ADARB2: variants seen among roughly 807,000 people sequenced by gnomAD.
ADARB2 encodes the protein adenosine deaminase RNA specific B2 (inactive), also known as inactive double-stranded RNA-specific editase B2.
In ADARB2, 25 loss-of-function variants were observed where a neutral mutation model predicts 62.2. That is an observed-to-expected ratio of 0.40 (90% CI 0.29 to 0.56). The LOEUF (loss-of-function observed/expected upper bound fraction) is 0.56. Ranked by LOEUF, ADARB2 falls within the 20% of genes least tolerant of loss-of-function variation. The pLI, the probability that ADARB2 is intolerant of heterozygous loss-of-function variation, is 0.43. For synonymous variants in ADARB2, 572 were observed against 500.8 expected, an observed-to-expected ratio of 1.14 and a Z score of -1.90; for missense variants, 1,071 against 1,077.4, an observed-to-expected ratio of 0.99 and a Z score of 0.08.
chr10:1,268,058 C>G (rs1277264209), intron 4 of ADARB2, among the ~76,000 whole-genome samples: 1 of 152,106 alleles, frequency 6.6e-6, no homozygotes, highest in African/African-American at 2.4e-5. Flanking sequence ...TGAAACCACA[C>G]CCAAATTTGA....
intron 3 of ADARB2, among the ~76,000 whole-genome samples, chr10:1,309,834 G>T (rs568126112): frequency 1.3e-5 from 2 of 152,104 alleles, no homozygotes; most frequent in Admixed American, 6.5e-5. Flanking sequence ...CTGCTCTCCC[G>T]GCCCCTATTT....
At chr10:1,699,234 TCGCCAATAC>T (rs1834790218) in intron 1 of ADARB2, among the ~76,000 whole-genome samples, 1 of 141,572 alleles carries the variant, frequency 7.1e-6, no homozygotes, top group African/African-American at 2.6e-5. Flanking sequence ...GACCAGGCGC[TCGCCAATAC>T]ACTCAATCCC....
intron 1 of ADARB2, among the ~76,000 whole-genome samples, chr10:1,469,032 A>G (rs1032815671): frequency 1.3e-5 from 2 of 152,166 alleles, no homozygotes; most frequent in Non-Finnish European, 2.9e-5. Context: ...CAACACAGCA[A>G]CGCTTTCTCG....
At chr10:1,697,910 C>G (rs928672904) in intron 1 of ADARB2, among the ~76,000 whole-genome samples, 1 of 152,210 alleles carries the variant, frequency 6.6e-6, no homozygotes, top group African/African-American at 2.4e-5. Context: ...AGAAGTACAG[C>G]AAGGCAGAAG....
chr10:1,546,335 C>G (rs10794755), intron 1 of ADARB2, among the ~76,000 whole-genome samples: 1 of 152,062 alleles, frequency 6.6e-6, no homozygotes, highest in Non-Finnish European at 1.5e-5. Flanking sequence ...CCTGGTGTTT[C>G]GGCAACAGGT....
chr10:1,289,385 G>T (rs1479965255), intron 3 of ADARB2, among the ~76,000 whole-genome samples: 1 of 152,234 alleles, frequency 6.6e-6, no homozygotes, highest in Non-Finnish European at 1.5e-5. Context: ...TGTCACAGGT[G>T]TGTCCTTAAC....
At chr10:1,303,969 A>G (rs890559662) in intron 3 of ADARB2, among the ~76,000 whole-genome samples, 5 of 152,134 alleles carry the variant, frequency 3.3e-5, no homozygotes, top group African/African-American at 1.2e-4. Flanking sequence ...GCATCAACTA[A>G]TGAGCAAAAT....
At chr10:1,326,884 G>C (rs1310913682) in intron 3 of ADARB2, among the ~76,000 whole-genome samples, 1 of 62,908 alleles carries the variant, frequency 1.6e-5, no homozygotes, top group Non-Finnish European at 3.1e-5. Context: ...ACGGCACAGC[G>C]CCTCCCCACT....
At chr10:1,345,172 C>A (rs774543489) in intron 3 of ADARB2, among the ~76,000 whole-genome samples, 35 of 152,084 alleles carry the variant, frequency 2.3e-4, no homozygotes, top group Non-Finnish European at 4.4e-4. Context: ...ATGCCAGACC[C>A]ACCTGTCACG....
At chr10:1,490,733 G>A (rs114587226) in intron 1 of ADARB2, among the ~76,000 whole-genome samples, 3,197 of 152,276 alleles carry the variant, frequency 0.021, 78 homozygotes, top group South Asian at 0.055. Flanking sequence ...GGAATCACCC[G>A]CCTGAGCCAA....
At chr10:1,193,460 G>A (rs953033345) in intron 8 of ADARB2, among the ~76,000 whole-genome samples, 1 of 152,218 alleles carries the variant, frequency 6.6e-6, no homozygotes, top group African/African-American at 2.4e-5. Context: ...TGGGGGAATG[G>A]GGTCTTTTGC....
At chr10:1,307,089 A>C (rs1208138222) in intron 3 of ADARB2, among the ~76,000 whole-genome samples, 7 of 114,468 alleles carry the variant, frequency 6.1e-5, no homozygotes, top group South Asian at 4.3e-4. Context: ...AATGGGATCT[A>C]ATTAAACTAA....
intron 4 of ADARB2, among the ~76,000 whole-genome samples, chr10:1,265,038 T>C (rs953920048): frequency 1.3e-5 from 2 of 152,320 alleles, no homozygotes; most frequent in East Asian, 3.9e-4. Flanking sequence ...AAAGAGGTAA[T>C]GCATGGTCAC....
At chr10:1,361,722 G>C (rs899451138) in intron 3 of ADARB2, 3 of 152,210 alleles carry the variant, frequency 2.0e-5, no homozygotes, top group Non-Finnish European at 4.4e-5. Context: ...AGTGTCTGAG[G>C]TTCGAGTGGG....
chr10:1,521,793 C>G (rs2131952044), intron 1 of ADARB2, among the ~76,000 whole-genome samples: 1 of 151,514 alleles, frequency 6.6e-6, no homozygotes, highest in East Asian at 1.9e-4. Flanking sequence ...CCCACTACCC[C>G]CAACCCCTTC....
At chr10:1,185,451 A>G (rs1836739203) in intron 8 of ADARB2, among the ~76,000 whole-genome samples, 1 of 152,242 alleles carries the variant, frequency 6.6e-6, no homozygotes. Flanking sequence ...AGTAAGCAAC[A>G]TGCAGCTCCC....
At chr10:1,191,161 G>A (rs565033858) in intron 8 of ADARB2, among the ~76,000 whole-genome samples, 2 of 152,254 alleles carry the variant, frequency 1.3e-5, no homozygotes. Flanking sequence ...GGGGTTTGCA[G>A]GTGGCAGCTC....
intron 1 of ADARB2, among the ~76,000 whole-genome samples, chr10:1,503,269 GT>G (rs546470850): frequency 1.8e-4 from 27 of 151,786 alleles, no homozygotes; most frequent in Non-Finnish European, 3.1e-4. Context: ...TCATTTCAAC[GT>G]CTGCCTCCCA....
chr10:1,281,268 G>A (rs748594914), intron 3 of ADARB2, among the ~76,000 whole-genome samples: 2 of 152,202 alleles, frequency 1.3e-5, no homozygotes, highest in Admixed American at 1.3e-4. Flanking sequence ...TCTTGAGCAT[G>A]TGCTGGGGGG....
Sources: allele counts gnomAD v4.1 joint callset (sites outside exome capture counted in the v4.1 genomes callset), GRCh38; gene constraint gnomAD v4.1.1; transcripts MANE v1.5; gene names NCBI Gene and HGNC (gene_info 2026-07-23, HGNC 2026-07-21).